AFF3: variants seen among roughly 807,000 people sequenced by gnomAD.
The protein encoded by AFF3 is AF4/FMR2 family member 3.
Under a neutral mutation model 129.7 loss-of-function variants are expected in AFF3, and 32 were observed. The observed-to-expected ratio is 0.25, with a 90% confidence interval of 0.19 to 0.33. The LOEUF is 0.33. Ranked by LOEUF, AFF3 falls within the 10% of genes least tolerant of loss-of-function variation. The probability of loss-of-function intolerance (pLI) is 1.00; values close to 1 mark genes in which losing one functional copy is unlikely to be tolerated. For missense variants in AFF3, 1,373 were observed against 1,592.0 expected, an observed-to-expected ratio of 0.86 and a Z score of 2.34; for synonymous variants, 644 against 635.4, an observed-to-expected ratio of 1.01 and a Z score of -0.20.
At position 100,001,116 on chromosome 2, in the gene AFF3, CG is replaced by C. The variant is rs565039551; in HGVS notation, c.873+5515del. 1.9e-3 allele frequency among the ~76,000 whole-genome samples: 288 copies of C among 152,246 alleles called. 1 individual carries two copies. Among genetic ancestry groups the C allele is most frequent in the South Asian group, 3.3e-3 (16 of 4,824 alleles). On this transcript the variant is annotated intron_variant, in intron 7 of 24. Transcript: ENST00000672756. ...CCCTGTAATCTGTTCAGACGCATTC[CG>C]GGGGAGAAAGCTTTACGAGAACTGA...
chr2:99,903,585 T>C (rs1410839047), intron 7 of AFF3, among the ~76,000 whole-genome samples: 3 of 152,198 alleles, frequency 2.0e-5, no homozygotes, highest in Non-Finnish European at 4.4e-5. Context: ...TTCCATCACA[T>C]AGATAACATC....
intron 11 of AFF3, among the ~76,000 whole-genome samples, chr2:99,693,764 G>A (rs941523889): frequency 2.0e-5 from 3 of 152,032 alleles, no homozygotes; most frequent in Non-Finnish European, 2.9e-5. Context: ...AAAGCCAGTA[G>A]GTTTTGGTTC....
chr2:100,088,924 G>A (rs1258211132), intron 4 of AFF3, among the ~76,000 whole-genome samples: 1 of 152,228 alleles, frequency 6.6e-6, no homozygotes, highest in Admixed American at 6.5e-5. Context: ...AATAAACACA[G>A]AAGTGGTATC....
intron 4 of AFF3, among the ~76,000 whole-genome samples, chr2:100,062,562 T>C (rs11681737): frequency 0.31 from 47,428 of 151,940 alleles, 7,779 homozygotes; most frequent in Middle Eastern, 0.46. Context: ...CTCAGCTCTG[T>C]GGCTGGGTGG....
intron 7 of AFF3, among the ~76,000 whole-genome samples, chr2:99,869,401 C>T (rs1276955968): frequency 6.6e-6 from 1 of 150,540 alleles, no homozygotes; most frequent in East Asian, 2.0e-4. Flanking sequence ...ACCTTCTATG[C>T]CCATGTGTCA....
At chr2:99,783,062 A>G (rs925523111) in intron 8 of AFF3, among the ~76,000 whole-genome samples, 4 of 152,230 alleles carry the variant, frequency 2.6e-5, no homozygotes, top group Admixed American at 1.3e-4. Flanking sequence ...TTTTCTTCGC[A>G]TATCTTTGGC....
intron 8 of AFF3, among the ~76,000 whole-genome samples, chr2:99,792,707 C>T (rs1014277426): frequency 2.0e-5 from 3 of 152,134 alleles, no homozygotes; most frequent in Non-Finnish European, 4.4e-5. Flanking sequence ...AATGCTTTTT[C>T]TGCACCGATT....
chr2:99,723,166 G>A lies in AFF3; in HGVS notation c.1091+3911C>T, dbSNP rs139815673. On this transcript the variant is annotated intron_variant, in intron 11 of 24. Coordinates refer to ENST00000672756, the MANE Select transcript of AFF3 (RefSeq NM_001386135.1). ...TTAATTTGTGCTTTTGTGTGTGCAC[G>A]CATGTTAAGATTAAATCGCTCCTTT... Among the ~76,000 whole-genome samples the A allele has an allele frequency of 4.3e-4, 66 of 152,222 alleles. 1 individual carries two copies. The highest frequency in any genetic ancestry group is 2.7e-3 in the East Asian group (14 of 5,186).
At chr2:99,867,575 T>TAAAAAAAAAA (rs558832878) in intron 7 of AFF3, among the ~76,000 whole-genome samples, 1 of 98,304 alleles carries the variant, frequency 1.0e-5, no homozygotes. Flanking sequence ...TATTTCTATA[T>TAAAAAAAAAA]TAAAAAAAAA....
intron 7 of AFF3, among the ~76,000 whole-genome samples, chr2:99,888,844 A>G (rs1410868366): frequency 6.6e-6 from 1 of 152,190 alleles, no homozygotes; most frequent in Non-Finnish European, 1.5e-5. Flanking sequence ...GCAACAAGAC[A>G]CTTAATCAAT....
intron 8 of AFF3, among the ~76,000 whole-genome samples, chr2:99,769,906 C>G (rs1453363779): frequency 6.6e-6 from 1 of 152,154 alleles, no homozygotes; most frequent in Admixed American, 6.5e-5. Context: ...GACATAAGCA[C>G]CCCTGTGGCT....
intron 7 of AFF3, among the ~76,000 whole-genome samples, chr2:99,841,072 C>G (rs1052430088): frequency 3.9e-5 from 6 of 152,196 alleles, no homozygotes; most frequent in African/African-American, 1.4e-4. Flanking sequence ...GGTGGAATCA[C>G]CCAGATATAA....
intron 12 of AFF3, among the ~76,000 whole-genome samples, chr2:99,670,370 T>C (rs11896272): frequency 0.069 from 9,055 of 130,978 alleles, 879 homozygotes; most frequent in African/African-American, 0.24. Context: ...CAGCCAGATA[T>C]AATGTCAGAA....
intron 13 of AFF3, among the ~76,000 whole-genome samples, chr2:99,605,574 C>T (rs536777058): frequency 6.6e-6 from 1 of 152,314 alleles, no homozygotes; most frequent in Non-Finnish European, 1.5e-5. Context: ...AGCTGCTTTA[C>T]CCATCGTGGG....
chr2:100,112,213 C>T (rs1463195241), intron 2 of AFF3, among the ~76,000 whole-genome samples: 2 of 152,212 alleles, frequency 1.3e-5, no homozygotes, highest in Non-Finnish European at 2.9e-5. Flanking sequence ...GCGAGTCAGT[C>T]TCTTAAGAGG....
At position 99,986,250 on chromosome 2, in the gene AFF3, A is replaced by AATG. The variant is rs1553496839; in HGVS notation, c.873+20379_873+20381dup. Among the ~76,000 whole-genome samples the AATG allele has an allele frequency of 2.2e-3, 315 of 142,806 alleles. 2 individuals carry two copies. The highest frequency in any genetic ancestry group is 5.5e-3 in the Admixed American group (77 of 14,010). The allele number at this position is 142,806 out of a possible 152,430, so 93.7% of individuals were successfully genotyped here. On this transcript the variant is annotated intron_variant, in intron 7 of 24. Coordinates refer to ENST00000672756, the MANE Select transcript of AFF3 (RefSeq NM_001386135.1). ...TAATAATAATAATAATAATAATAATAATGTAGGACATGCACTGTGTTTTCT... is the reference window on the plus strand; with the variant it reads ...TAATAATAATAATAATAATAATAATAATGATGTAGGACATGCACTGTGTTTTCT...
chr2:99,553,917 C>CAAAAAAA (rs1674649199), intron 24 of AFF3, among the ~76,000 whole-genome samples: 19 of 72,446 alleles, frequency 2.6e-4, no homozygotes, highest in South Asian at 4.0e-4. Flanking sequence ...CTGTCTCAAA[C>CAAAAAAA]CAAAAAAAAA....
At chr2:100,108,569 G>A (rs1691401270) in intron 2 of AFF3, among the ~76,000 whole-genome samples, 1 of 152,098 alleles carries the variant, frequency 6.6e-6, no homozygotes, top group Admixed American at 6.5e-5. Context: ...CCTTTCTGGG[G>A]CCCTAGAAGC....
chr2:99,752,944 A>G (rs1558816825), intron 8 of AFF3, among the ~76,000 whole-genome samples: 1 of 152,170 alleles, frequency 6.6e-6, no homozygotes, highest in Non-Finnish European at 1.5e-5. Flanking sequence ...GCCTTGGGAA[A>G]GGGAGAGAGG....
Sources: allele counts gnomAD v4.1 joint callset (sites outside exome capture counted in the v4.1 genomes callset), GRCh38; gene constraint gnomAD v4.1.1; transcripts MANE v1.5; gene names NCBI Gene and HGNC (gene_info 2026-07-23, HGNC 2026-07-21).